PAQR5: variants seen among roughly 807,000 people sequenced by gnomAD.
PAQR5 encodes the protein progestin and adipoQ receptor family member 5, also known as membrane progestin receptor gamma.
A neutral mutation model predicts 34.5 loss-of-function variants in PAQR5; 20 were observed. The observed-to-expected ratio is 0.58, with a 90% CI of 0.41 to 0.84. The LOEUF is 0.84. Ranked by LOEUF, PAQR5 falls within the 40% of genes least tolerant of loss-of-function variation. PAQR5 has a pLI of 0.00. For synonymous variants in PAQR5, 131 were observed against 155.6 expected (o/e 0.84, Z 1.18); for missense variants, 378 against 412.7 (o/e 0.92, Z 0.73).
chr15:69,389,559 TAAGGGCC>T, intron 5 of PAQR5, 88 bp from the exon 6 acceptor site: 1 of 1,530,100 alleles, frequency 6.5e-7, no homozygotes, highest in Non-Finnish European at 8.9e-7. Flanking sequence ...GTGGGAATGA[TAAGGGCC>T]AAGCCAGATG....
At chr15:69,382,370 GGC>G (rs988221911) in intron 4 of PAQR5, among the ~76,000 whole-genome samples, 2 of 152,076 alleles carry the variant, frequency 1.3e-5, no homozygotes, top group African/African-American at 4.8e-5. Flanking sequence ...CAGGCGGCCG[GGC>G]GCAGTGGCTT....
chr15:69,382,045 C>G (rs996272239), intron 4 of PAQR5, among the ~76,000 whole-genome samples: 3 of 152,146 alleles, frequency 2.0e-5, no homozygotes, highest in Non-Finnish European at 4.4e-5. Flanking sequence ...GATCTAGGCT[C>G]TGCTAAGAGT....
intron 1 of PAQR5, among the ~76,000 whole-genome samples, chr15:69,327,982 T>C (rs898040618): frequency 2.6e-5 from 4 of 152,038 alleles, no homozygotes; most frequent in South Asian, 2.1e-4. Flanking sequence ...GGTTTCACCA[T>C]GTTGGCCAGG....
At chr15:69,300,952 T>C (rs909410278) in intron 1 of PAQR5, among the ~76,000 whole-genome samples, 1 of 34,626 alleles carries the variant, frequency 2.9e-5, no homozygotes, top group African/African-American at 1.0e-4. Flanking sequence ...TCTTTCCTTC[T>C]TTCTTTCTTT....
intron 2 of PAQR5, among the ~76,000 whole-genome samples, chr15:69,341,245 C>A (rs963520422): frequency 1.4e-5 from 2 of 147,984 alleles, no homozygotes; most frequent in Non-Finnish European, 3.0e-5. Flanking sequence ...CTATTCCAGG[C>A]ATGTCATCTC....
At chr15:69,322,763 A>T (rs58485265) in intron 1 of PAQR5, among the ~76,000 whole-genome samples, 2 of 39,472 alleles carry the variant, frequency 5.1e-5, no homozygotes, top group Non-Finnish European at 1.1e-4. Context: ...AAGAAGAAGA[A>T]GAAGAAGAGG....
At chr15:69,386,581 C>T (rs1240750483) in intron 5 of PAQR5, among the ~76,000 whole-genome samples, 2 of 151,850 alleles carry the variant, frequency 1.3e-5, no homozygotes, top group African/African-American at 2.4e-5. Flanking sequence ...CCCTCCCTCC[C>T]GGATTCCCTC....
chr15:69,377,157 T>C (rs1194813181), intron 3 of PAQR5, among the ~76,000 whole-genome samples: 1 of 152,198 alleles, frequency 6.6e-6, no homozygotes, highest in African/African-American at 2.4e-5. Flanking sequence ...TTGGAACCAG[T>C]GGCCAGTGCT....
intron 2 of PAQR5, among the ~76,000 whole-genome samples, chr15:69,357,366 C>A (rs1288118326): frequency 1.3e-5 from 2 of 152,064 alleles, no homozygotes; most frequent in South Asian, 2.1e-4. Flanking sequence ...CAGGTTCAAG[C>A]AATTCTCCTG....
chr15:69,380,115 G>T (rs373187728), intron 4 of PAQR5, 105 bp downstream of exon 4: 1 of 1,323,974 alleles, frequency 7.6e-7, no homozygotes. Flanking sequence ...CTGTGCTGGG[G>T]TTTGGGGATC....
intron 2 of PAQR5, among the ~76,000 whole-genome samples, chr15:69,355,372 CTT>C (rs2055048208): frequency 1.5e-5 from 1 of 67,516 alleles, no homozygotes; most frequent in Non-Finnish European, 2.9e-5. Flanking sequence ...TTCTTTCTTT[CTT>C]TCTTTCTTTC....
At chr15:69,380,750 CAG>C (rs1194373213) in intron 4 of PAQR5, among the ~76,000 whole-genome samples, 2 of 152,212 alleles carry the variant, frequency 1.3e-5, no homozygotes, top group Non-Finnish European at 2.9e-5. Context: ...TGGAAGAACT[CAG>C]AGGCCATTCA....
At chr15:69,320,067 G>A (rs1023204032) in intron 1 of PAQR5, among the ~76,000 whole-genome samples, 9 of 152,252 alleles carry the variant, frequency 5.9e-5, no homozygotes, top group African/African-American at 1.9e-4. Flanking sequence ...AGCCTTCCCC[G>A]TTGGGGTGAG....
At position 69,347,837 on chromosome 15, in the gene PAQR5, C is replaced by A. The variant is rs571196468; in HGVS notation, c.-116+10336C>A. On this transcript the variant is annotated intron_variant, in intron 2 of 8. Coordinates refer to ENST00000395407, the MANE Select transcript of PAQR5 (RefSeq NM_017705.4). ...GGGCGTTAAGTCCCTTTCATGAAGACTCTGCCCTCATGACCTAACTACTTC... is the reference window on the plus strand; with the variant it reads ...GGGCGTTAAGTCCCTTTCATGAAGAATCTGCCCTCATGACCTAACTACTTC... Among the ~76,000 whole-genome samples, 46 of 152,326 alleles carry A rather than the reference C, an allele frequency of 3.0e-4. 1 individual carries two copies. The East Asian group carries it at 4.2e-3, about 14-fold the overall frequency.
Position 69,405,285 on chromosome 15 carries a change from A to G in PAQR5, c.*1463A>G, listed in dbSNP as rs982516718. 6.5e-6 allele frequency: 2 copies of G among 307,112 alleles called. No individual in the cohort carries two copies. Among genetic ancestry groups the G allele is most frequent in the African/African-American group, 4.3e-5 (2 of 46,496 alleles). 19.0% of individuals were successfully genotyped at this position (307,112 alleles called of 1,614,324 possible). A position where few individuals can be genotyped will look rare whatever the true frequency, so the allele number is the denominator to read the frequency against. ...CTCTTTGCTGACTCAGGAATACTCC[A>G]TATTTTAGACTACTGCCTCTACCAT... On this transcript the variant is annotated 3_prime_UTR_variant, in exon 9 of 9. Transcript: ENST00000395407.
At chr15:69,301,999 T>C (rs1159945548) in intron 1 of PAQR5, among the ~76,000 whole-genome samples, 1 of 150,458 alleles carries the variant, frequency 6.6e-6, no homozygotes, top group African/African-American at 2.5e-5. Context: ...GGTTTGTGCA[T>C]GGGCTTGAGC....
At chr15:69,393,216 C>T (rs1433059555) in intron 6 of PAQR5, among the ~76,000 whole-genome samples, 2 of 152,102 alleles carry the variant, frequency 1.3e-5, no homozygotes, top group Non-Finnish European at 2.9e-5. Context: ...CTCGTCCTCG[C>T]TCCACGTTCC....
chr15:69,366,657 G>A (rs75196344), intron 3 of PAQR5, among the ~76,000 whole-genome samples: 8 of 152,226 alleles, frequency 5.3e-5, no homozygotes, highest in East Asian at 3.9e-4. Flanking sequence ...TAAGTGTGCC[G>A]ATAAATAATG....
chr15:69,339,219 G>T (rs2054583845), intron 2 of PAQR5, among the ~76,000 whole-genome samples: 1 of 143,970 alleles, frequency 6.9e-6, no homozygotes, highest in Non-Finnish European at 1.5e-5. Flanking sequence ...CTCCTCAAAT[G>T]CTCAGGGAGA....
Sources: gnomAD v4.1 joint callset for allele counts (sites outside exome capture counted in the v4.1 genomes callset) on GRCh38, gnomAD v4.1.1 for gene constraint, MANE v1.5 for transcripts, NCBI Gene and HGNC (gene_info 2026-07-23, HGNC 2026-07-21) for gene names.